Variants in PLCD4 observed in about 807,000 individuals in gnomAD.
PLCD4 encodes phospholipase C delta 4, also known as 1-phosphatidylinositol 4,5-bisphosphate phosphodiesterase delta-4.
A neutral mutation model predicts 90.2 loss-of-function variants in PLCD4; 63 were observed. The observed-to-expected ratio is 0.70, with a 90% CI of 0.57 to 0.86. The LOEUF is 0.86. Ranked by LOEUF, PLCD4 falls within the 40% of genes least tolerant of loss-of-function variation. PLCD4 has a pLI of 0.00. For missense variants in PLCD4, 830 were observed against 956.3 expected, an observed-to-expected ratio of 0.87 and a Z score of 1.74; for synonymous variants, 294 against 356.5, an observed-to-expected ratio of 0.82 and a Z score of 1.97.
chr2:218,631,525 G>A (rs924418249), intron 9 of PLCD4, among the ~76,000 whole-genome samples: 3 of 146,346 alleles, frequency 2.0e-5, no homozygotes, highest in Admixed American at 6.6e-5. Context: ...GGCCAGGCAC[G>A]TTGGTTCATG....
Position 218,633,629 on chromosome 2 carries a change from GCCCTC to G in PLCD4, c.1475_1479del (p.Ala492ValfsTer32). 1.2e-6 allele frequency: 2 copies of G among 1,613,702 alleles called. No homozygotes were observed. The highest frequency in any genetic ancestry group is 1.7e-4 in the Middle Eastern group (1 of 6,060). ...GAAATCCAAGCCCATCTTGTGTCCA[GCCCTC>G]TCTTCCCTGGTTATCTACTTGAAGT... On this transcript the variant is annotated frameshift_variant, in exon 11 of 16. Transcript: ENST00000450993. LOFTEE classifies it high-confidence loss of function.
chr2:218,614,266 G>A (rs946885223), intron 1 of PLCD4, among the ~76,000 whole-genome samples: 35 of 152,034 alleles, frequency 2.3e-4, no homozygotes, highest in Non-Finnish European at 2.8e-4. Context: ...TGGTCCGCCC[G>A]CCTTGGCCTC....
At position 218,636,805 on chromosome 2, in the gene PLCD4, T is replaced by C; in HGVS notation, c.*228T>C. 1 of 611,750 alleles carries C rather than the reference T, an allele frequency of 1.6e-6. No individual in the cohort carries two copies. The highest frequency in any genetic ancestry group is 3.0e-6 in the Non-Finnish European group (1 of 333,978). 37.9% of individuals were successfully genotyped at this position (611,750 alleles called of 1,614,324 possible). A position where few individuals can be genotyped will look rare whatever the true frequency, so the allele number is the denominator to read the frequency against. On this transcript the variant is annotated 3_prime_UTR_variant, in exon 16 of 16. Transcript: ENST00000450993. ...TTTCATAAGCCTTTGGTATCTTTCC[T>C]GCCCTTTTCCTTTGTGTACTCTATA...
intron 1 of PLCD4, among the ~76,000 whole-genome samples, chr2:218,614,020 T>TC (rs1489998817): frequency 2.0e-5 from 3 of 146,912 alleles, no homozygotes; most frequent in Non-Finnish European, 4.5e-5. Context: ...TTCTTCTTCT[T>TC]TTTTTTTTTT....
chr2:218,615,006 A>T (rs991763149), intron 1 of PLCD4, among the ~76,000 whole-genome samples: 4 of 152,054 alleles, frequency 2.6e-5, no homozygotes, highest in Admixed American at 6.5e-5. Flanking sequence ...AGGTGGGCGG[A>T]TCACGAGGTC....
At chr2:218,623,449 C>T (rs928085047) in intron 6 of PLCD4, among the ~76,000 whole-genome samples, 2 of 152,186 alleles carry the variant, frequency 1.3e-5, no homozygotes, top group African/African-American at 4.8e-5. Context: ...GAAATATACG[C>T]TCTTGTTCTT....
At chr2:218,626,610 G>C (rs942313552) in intron 6 of PLCD4, among the ~76,000 whole-genome samples, 4 of 152,214 alleles carry the variant, frequency 2.6e-5, no homozygotes, top group African/African-American at 9.6e-5. Flanking sequence ...CATAGAGTGA[G>C]TGCTTGATAA....
In PLCD4 at chr2:218,635,859, C is replaced by T. The variant is rs568121475; in HGVS notation, c.1960C>T (p.Leu654=). ...KTKEGSIVDP[L]VKVQIFGVRL... ...CAAAGAGGGGTCCATTGTGGATCCA[C>T]TGGTGAAAGTGCAGATCTTTGGCGT... Residue 654 remains leucine (L), a synonymous_variant, in exon 14 of 16, where the codon CTG becomes TTG. Coordinates refer to ENST00000450993, the MANE Select transcript of PLCD4 (RefSeq NM_032726.4). The T allele has an allele frequency of 1.9e-6, 3 of 1,613,968 alleles. No individual in the cohort carries two copies. In the Admixed American group the frequency reaches 5.0e-5, roughly 27 times the overall value.
chr2:218,632,223 T>C lies in PLCD4; in HGVS notation c.1360T>C (p.Leu454=). 6.2e-7 allele frequency: 1 copy of C among 1,611,516 alleles called. No individual in the cohort carries two copies. The highest frequency in any genetic ancestry group is 8.5e-7 in the Non-Finnish European group (1 of 1,178,902). Residue 454 remains leucine, a synonymous_variant, in exon 10 of 16, where the codon TTG becomes CTG. Transcript: ENST00000450993. ...TGAGGAAGAGGAAGCAGAACCTGAG[T>C]TGGAAGAGTCAGAATTGGCGCTGGA... ...EYEEEEAEPE[L]EESELALESQ... is the part of the protein sequence containing the mutation.
intron 8 of PLCD4, 54 bp downstream of exon 8, chr2:218,629,717 C>G (rs556190578): frequency 6.3e-7 from 1 of 1,577,982 alleles, no homozygotes; most frequent in Non-Finnish European, 8.7e-7. Context: ...GAGGGAAGAA[C>G]GACTGGCTCT....
chr2:218,621,245 C>T (rs1488151470), intron 4 of PLCD4, among the ~76,000 whole-genome samples: 1 of 152,154 alleles, frequency 6.6e-6, no homozygotes, highest in East Asian at 1.9e-4. Flanking sequence ...ATATAGATTT[C>T]TTTCTGCAGG....
intron 7 of PLCD4, chr2:218,628,773 ATCTT>A (rs1447591673): frequency 1.3e-5 from 2 of 154,498 alleles, no homozygotes; most frequent in Admixed American, 6.3e-5. Context: ...TAGTCAAGAT[ATCTT>A]TCTATTACCA....
At chr2:218,608,233 G>C (rs1438489492) in intron 1 of PLCD4, among the ~76,000 whole-genome samples, 163 bp downstream of exon 1, 1 of 152,092 alleles carries the variant, frequency 6.6e-6, no homozygotes, top group Non-Finnish European at 1.5e-5. Flanking sequence ...GTTCTCTCTA[G>C]CTTATCCTCC....
rs750777503 is a variant in PLCD4 at position 218,618,622 on chromosome 2, C to T, written c.225C>T (p.Ser75=). The T allele has an allele frequency of 6.2e-6, 10 of 1,613,922 alleles. No individual in the cohort carries two copies. Among genetic ancestry groups the T allele is most frequent in the East Asian group, 2.2e-5 (1 of 44,906 alleles). ...AGACAATACGTAATGGCCATGATTC[C>T]GAGTTGCTGCGTAGCCTGGCAGAGG... ...DVETIRNGHD[S]ELLRSLAEEL... is the part of the protein sequence containing the mutation. Residue 75 remains serine, a synonymous_variant, in exon 4 of 16, where the codon TCC becomes TCT. Transcript: ENST00000450993.
At chr2:218,618,493 G>A in intron 3 of PLCD4, 86 bp from the exon 4 acceptor site, 1 of 1,177,656 alleles carries the variant, frequency 8.5e-7, no homozygotes, top group South Asian at 1.4e-5. Flanking sequence ...GTGTCATGGA[G>A]AAGGGGGTGC....
intron 2 of PLCD4, 30 bp from the exon 3 acceptor site, chr2:218,615,874 G>T: frequency 3.7e-6 from 6 of 1,612,036 alleles, no homozygotes; most frequent in Non-Finnish European, 4.2e-6. Flanking sequence ...CTCTCTGCTG[G>T]CTACCTAACC....
At position 218,626,156 on chromosome 2, in the gene PLCD4, G is replaced by A. The variant is rs1466048104; in HGVS notation, c.773-1873G>A. On this transcript the variant is annotated intron_variant, in intron 6 of 15. Transcript: ENST00000450993. ...TTCCTGTAGTCCCAGCTACTTGAGA[G>A]GCTGAGGTGAGAGGATTGCTTGAGC... Among the ~76,000 whole-genome samples, 4 of 152,186 alleles carry A rather than the reference G, an allele frequency of 2.6e-5. No homozygotes were observed. In the East Asian group the frequency reaches 5.8e-4, roughly 22 times the overall value.
intron 4 of PLCD4, among the ~76,000 whole-genome samples, chr2:218,620,480 G>A (rs1361405941): frequency 6.6e-6 from 1 of 151,722 alleles, no homozygotes; most frequent in Non-Finnish European, 1.5e-5. Context: ...TAGCCTGGTC[G>A]ACAGAGTTAG....
chr2:218,632,444 T>A (rs1696428042), intron 10 of PLCD4, 132 bp downstream of exon 10: 6 of 882,252 alleles, frequency 6.8e-6, no homozygotes. Flanking sequence ...TGAAGGAGAT[T>A]TAAGACCGCA....
Sources: allele counts gnomAD v4.1 joint callset (sites outside exome capture counted in the v4.1 genomes callset), GRCh38; gene constraint gnomAD v4.1.1; transcripts MANE v1.5; gene names NCBI Gene and HGNC (gene_info 2026-07-23, HGNC 2026-07-21).